The following NTN1 variants were observed in gnomAD, a reference collection of about 807,000 sequenced individuals.
NTN1 encodes netrin-1.
In NTN1, 11 loss-of-function variants were observed where a neutral mutation model predicts 54.2. The observed-to-expected ratio is 0.20, with a 90% CI of 0.13 to 0.34. The LOEUF (loss-of-function observed/expected upper bound fraction) is 0.34. Ranked by LOEUF, NTN1 falls within the 10% of genes least tolerant of loss-of-function variation. The pLI is 1.00. For missense variants in NTN1, 740 were observed against 893.1 expected (o/e 0.83, Z 2.18); for synonymous variants, 371 against 382.0 (o/e 0.97, Z 0.33).
chr17:9,129,206 G>C lies in NTN1; in HGVS notation c.1019-33607G>C, dbSNP rs939948430. Among the ~76,000 whole-genome samples, 12 of 152,242 alleles carry C rather than the reference G, an allele frequency of 7.9e-5. No homozygotes were observed. The East Asian group carries it at 2.3e-3, about 29-fold the overall frequency. On this transcript the variant is annotated intron_variant, in intron 2 of 6. Coordinates refer to ENST00000173229, the MANE Select transcript of NTN1 (RefSeq NM_004822.3). ...GCCAGCGTGGGACTGGGTTTAGAGGGGGTCTGCTGGGGACGCCATTCAGGG... is the reference window on the plus strand; with the variant it reads ...GCCAGCGTGGGACTGGGTTTAGAGGCGGTCTGCTGGGGACGCCATTCAGGG...
chr17:9,019,439 G>A (rs906168887), upstream of NTN1, among the ~76,000 whole-genome samples: 2 of 152,138 alleles, frequency 1.3e-5, no homozygotes, highest in South Asian at 2.1e-4. Flanking sequence ...TAGATCAAGC[G>A]ACCTCATACT....
chr17:9,086,098 C>T (rs1255792022), intron 2 of NTN1, among the ~76,000 whole-genome samples: 1 of 152,188 alleles, frequency 6.6e-6, no homozygotes, highest in East Asian at 1.9e-4. Flanking sequence ...ATTTGTTACT[C>T]ATTTAAGATT....
At chr17:9,087,989 G>A (rs1408119898) in intron 2 of NTN1, among the ~76,000 whole-genome samples, 1 of 152,240 alleles carries the variant, frequency 6.6e-6, no homozygotes. Context: ...GCTGAATGGA[G>A]CCACTTTGTC....
rs2092273686 is a variant in NTN1, at chr17:9,133,953, G to A, written c.1019-28860G>A. 2.4e-5 allele frequency among the ~76,000 whole-genome samples: 3 copies of A among 125,310 alleles called. No individual in the cohort carries two copies. The Admixed American group carries it at 2.9e-4, about 12-fold the overall frequency. The allele number at this position is 125,310 out of a possible 152,430, so 82.2% of individuals were successfully genotyped here. On this transcript the variant is annotated intron_variant, in intron 2 of 6. Coordinates refer to ENST00000173229, the MANE Select transcript of NTN1 (RefSeq NM_004822.3). The stretch of plus-strand genomic sequence containing the variant: ...AGAGTCTCACTCTGTCTCCCGGGCT[G>A]AAGTGCAGTGATGTGATCTCAGCTC...
chr17:9,234,538 TCA>T (rs1905917783), intron 6 of NTN1, among the ~76,000 whole-genome samples: 2 of 152,338 alleles, frequency 1.3e-5, no homozygotes, highest in East Asian at 1.9e-4. Context: ...GCACCAGGGC[TCA>T]GTTAGGCTTC....
chr17:9,021,914 G>T (rs1022402407), intron 1 of NTN1, among the ~76,000 whole-genome samples: 1 of 152,146 alleles, frequency 6.6e-6, no homozygotes, highest in South Asian at 2.1e-4. Flanking sequence ...CGCGATCGGG[G>T]GGCATCTGAG....
At chr17:9,215,439 G>T (rs1905199305) in intron 5 of NTN1, among the ~76,000 whole-genome samples, 1 of 152,202 alleles carries the variant, frequency 6.6e-6, no homozygotes, top group Non-Finnish European at 1.5e-5. Context: ...TAAGCACAGA[G>T]ATATCAATCA....
At chr17:9,237,792 CTCTG>C (rs1227952973) in intron 6 of NTN1, among the ~76,000 whole-genome samples, 9 of 152,188 alleles carry the variant, frequency 5.9e-5, no homozygotes, top group Non-Finnish European at 1.3e-4. Context: ...CCACGGTGAC[CTCTG>C]TCTGCACAGT....
At chr17:9,114,578 C>A (rs766265645) in intron 2 of NTN1, among the ~76,000 whole-genome samples, 6 of 151,920 alleles carry the variant, frequency 3.9e-5, no homozygotes, top group Non-Finnish European at 8.8e-5. Context: ...CATAGTGAAA[C>A]CCTGTCTCTA....
intron 2 of NTN1, among the ~76,000 whole-genome samples, chr17:9,096,648 GGCGTGA>G (rs1719814412): frequency 6.6e-6 from 1 of 152,130 alleles, no homozygotes; most frequent in Admixed American, 6.6e-5. Flanking sequence ...TGGGATTACA[GGCGTGA>G]GCCACCGCAC....
intron 2 of NTN1, among the ~76,000 whole-genome samples, chr17:9,100,314 T>C (rs1173172935): frequency 1.3e-5 from 2 of 151,934 alleles, no homozygotes; most frequent in Non-Finnish European, 2.9e-5. Context: ...ATTTATTTTT[T>C]TGAGACAGAG....
chr17:9,134,954 C>T (rs921162018), intron 2 of NTN1, among the ~76,000 whole-genome samples: 16 of 152,162 alleles, frequency 1.1e-4, no homozygotes, highest in Admixed American at 4.6e-4. Flanking sequence ...GTTTGGGAGG[C>T]CTGTCCCTGA....
chr17:9,066,998 C>CA (rs71361855), intron 2 of NTN1, among the ~76,000 whole-genome samples: 19,997 of 89,136 alleles, frequency 0.22, 2,250 homozygotes, highest in Middle Eastern at 0.3. Flanking sequence ...GACTCCATCT[C>CA]AAAAAAAAAA....
chr17:9,230,837 C>T (rs1242439258), intron 6 of NTN1, among the ~76,000 whole-genome samples: 2 of 152,156 alleles, frequency 1.3e-5, no homozygotes, highest in East Asian at 3.9e-4. Context: ...TCTCCCGATG[C>T]TGTTTTCCTC....
chr17:9,124,958 T>C (rs769905177), intron 2 of NTN1, among the ~76,000 whole-genome samples: 1 of 152,228 alleles, frequency 6.6e-6, no homozygotes, highest in Non-Finnish European at 1.5e-5. Context: ...TTACAGAGCC[T>C]GGCACATGCT....
intron 5 of NTN1, among the ~76,000 whole-genome samples, chr17:9,199,019 C>T (rs1904711249): frequency 6.6e-6 from 1 of 152,192 alleles, no homozygotes; most frequent in Admixed American, 6.5e-5. Flanking sequence ...CACGGCTGCA[C>T]CCACTATTGT....
intron 2 of NTN1, among the ~76,000 whole-genome samples, chr17:9,115,709 C>T (rs2092209439): frequency 6.6e-6 from 1 of 152,180 alleles, no homozygotes. Flanking sequence ...TCTGACATTT[C>T]CCGGGGCCGC....
chr17:9,195,340 G>C (rs766000054), intron 5 of NTN1, among the ~76,000 whole-genome samples: 96 of 152,330 alleles, frequency 6.3e-4, no homozygotes, highest in Admixed American at 2.3e-3. Context: ...AGGATAAAGG[G>C]ATGAGCTGGG....
intron 2 of NTN1, among the ~76,000 whole-genome samples, chr17:9,131,083 G>T (rs1257380187): frequency 2.0e-5 from 3 of 152,094 alleles, no homozygotes; most frequent in African/African-American, 7.2e-5. Flanking sequence ...TTAACTCAGG[G>T]CCTTTGCACT....
Sources: gnomAD v4.1 joint callset for allele counts (sites outside exome capture counted in the v4.1 genomes callset) on GRCh38, gnomAD v4.1.1 for gene constraint, MANE v1.5 for transcripts, NCBI Gene and HGNC (gene_info 2026-07-23, HGNC 2026-07-21) for gene names.